RRM1: variants seen among roughly 807,000 people sequenced by gnomAD.
RRM1 encodes the protein ribonucleoside-diphosphate reductase large subunit.
A neutral mutation model predicts 101.5 loss-of-function variants in RRM1; 19 were observed. The ratio of observed to expected loss-of-function variants is 0.19; its 90% CI spans 0.13 to 0.27. The LOEUF is 0.27. Among genes scored for constraint, RRM1 ranks in the 10% least tolerant of loss-of-function variants. The pLI, the probability that RRM1 is intolerant of heterozygous loss-of-function variation, is 1.00. For synonymous variants in RRM1, 298 were observed against 323.4 expected (o/e 0.92, Z 0.84); for missense variants, 500 against 962.9 (o/e 0.52, Z 6.36).
At chr11:4,113,639 A>G (rs1417080852) in intron 7 of RRM1, among the ~76,000 whole-genome samples, 2 of 152,228 alleles carry the variant, frequency 1.3e-5, no homozygotes, top group Admixed American at 6.6e-5. Flanking sequence ...TCCTTGTGCA[A>G]ACATTATACA....
At chr11:4,112,211 G>A in intron 7 of RRM1, 149 bp downstream of exon 7, 6 of 601,582 alleles carry the variant, frequency 1.0e-5, no homozygotes, top group South Asian at 2.8e-5. Context: ...ACTGTAATGT[G>A]GTAAATGAAT....
intron 15 of RRM1, among the ~76,000 whole-genome samples, chr11:4,131,211 A>T (rs1416822967): frequency 6.6e-6 from 1 of 152,184 alleles, no homozygotes; most frequent in Non-Finnish European, 1.5e-5. Flanking sequence ...GTAAAGGGAG[A>T]AAAGCCCCTT....
chr11:4,109,665 TA>T lies in RRM1; in HGVS notation c.410del (p.Tyr137LeufsTer15). ...NKDRLNSAII[Y>X]DRDFSYNYFG... ...TCAGCGCCTGAATTCTGCTATTATC[TA>T]TGACCGAGATTTCTCTTACAATTAC... On this transcript the variant is annotated frameshift_variant, in exon 5 of 19. Transcript: ENST00000300738. LOFTEE classifies it high-confidence loss of function. The T allele has an allele frequency of 6.2e-7, 1 of 1,610,028 alleles. No homozygotes were observed. The highest frequency in any genetic ancestry group is 8.5e-7 in the Non-Finnish European group (1 of 1,178,080).
At chr11:4,101,125 G>T (rs577399487) in intron 1 of RRM1, among the ~76,000 whole-genome samples, 1 of 152,156 alleles carries the variant, frequency 6.6e-6, no homozygotes, top group East Asian at 1.9e-4. Flanking sequence ...GTCCTATTTG[G>T]GGCATTGCAA....
chr11:4,117,298 A>G (rs915744064), intron 7 of RRM1, among the ~76,000 whole-genome samples: 8 of 152,210 alleles, frequency 5.3e-5, no homozygotes, highest in Non-Finnish European at 8.8e-5. Context: ...TTCATATTCT[A>G]CAGAAATGCT....
At chr11:4,137,649 C>T (rs868228331) in intron 18 of RRM1, among the ~76,000 whole-genome samples, 1 of 12,358 alleles carries the variant, frequency 8.1e-5, no homozygotes, top group East Asian at 1.4e-3. Context: ...CCCTCCCGGA[C>T]GGGGCGGCTG....
At chr11:4,126,594 C>T in intron 12 of RRM1, 90 bp from the exon 13 acceptor site, 1 of 1,170,486 alleles carries the variant, frequency 8.5e-7, no homozygotes. Context: ...ATTTTAATGT[C>T]TGAGTATTAG....
chr11:4,121,164 C>T (rs777238158), intron 9 of RRM1, among the ~76,000 whole-genome samples: 7 of 152,192 alleles, frequency 4.6e-5, no homozygotes, highest in East Asian at 3.8e-4. Flanking sequence ...GCACACTAAT[C>T]GCTTGTTGGT....
At chr11:4,095,145 T>G (rs1590706873) in intron 1 of RRM1, 114 bp downstream of exon 1, 2 of 1,310,000 alleles carry the variant, frequency 1.5e-6, no homozygotes, top group East Asian at 2.5e-5. Flanking sequence ...TTTCCCGCAT[T>G]TCCCGCCGCG....
chr11:4,118,445 G>A lies in RRM1; in HGVS notation c.776G>A (p.Gly259Asp). Residue 259 changes from glycine (G) to aspartate (D), a missense_variant, in exon 8 of 19, where the codon GGC becomes GAC. Gly to Asp is a moderately conservative substitution (Grantham distance 94, BLOSUM62 -1). Coordinates refer to ENST00000300738, the MANE Select transcript of RRM1 (RefSeq NM_001033.5). ...GVAVSCIRAT[G>D]SYIAGTNGNS... ...GCTGTGAGTTGTATTCGGGCTACTG[G>A]CAGCTACATTGCTGGGGTAGGTTTC... 1 of 1,614,022 alleles carries A rather than the reference G, an allele frequency of 6.2e-7. No individual in the cohort carries two copies. Among genetic ancestry groups the A allele is most frequent in the Non-Finnish European group, 8.5e-7 (1 of 1,179,948 alleles).
chr11:4,119,943 T>C lies in RRM1; in HGVS notation c.876+15T>C. On this transcript the variant is annotated intron_variant, in intron 9 of 18. Coordinates refer to ENST00000300738, the MANE Select transcript of RRM1 (RefSeq NM_001033.5). ...GTGGGAACAAGGTATGCTCCATGAA[T>C]TGAAAGTACTGGAAATCAGAACTAA... 6.9e-7 allele frequency: 1 copy of C among 1,451,696 alleles called. No individual in the cohort carries two copies. Among genetic ancestry groups the C allele is most frequent in the Non-Finnish European group, 9.7e-7 (1 of 1,033,438 alleles). 89.9% of individuals were successfully genotyped at this position (1,451,696 alleles called of 1,614,324 possible). A position where few individuals can be genotyped will look rare whatever the true frequency, so the allele number is the denominator to read the frequency against.
At chr11:4,116,300 T>C (rs530969658) in intron 7 of RRM1, 1 of 152,200 alleles carries the variant, frequency 6.6e-6, no homozygotes, top group African/African-American at 2.4e-5. Flanking sequence ...TTCACCGGAG[T>C]CCAATCACTG....
Position 4,121,773 on chromosome 11 carries a change from A to G in RRM1, c.1038+8A>G. Reference sequence around the variant, plus strand: ...CGAGTGGAGACTAATCAGGTGAGAGATAGGTACTTGTTGGTAATAGCAACT... The same window carrying G: ...CGAGTGGAGACTAATCAGGTGAGAGGTAGGTACTTGTTGGTAATAGCAACT... On this transcript the variant is annotated splice_region_variant and intron_variant, in intron 10 of 18. Coordinates refer to ENST00000300738, the MANE Select transcript of RRM1 (RefSeq NM_001033.5). The G allele has an allele frequency of 6.3e-7, 1 of 1,589,812 alleles. No homozygotes were observed. The highest frequency in any genetic ancestry group is 8.5e-7 in the Non-Finnish European group (1 of 1,170,842).
At position 4,126,848 on chromosome 11, in the gene RRM1, C is replaced by A. The variant is rs780249817; in HGVS notation, c.1470+15C>A. On this transcript the variant is annotated intron_variant, in intron 13 of 18. Transcript: ENST00000300738. Reference sequence around the variant, plus strand: ...CTGTACCAGAGGTATGAATAGATTTCTCTGCTTATTGGTAATTATTGAAAT... The same window carrying A: ...CTGTACCAGAGGTATGAATAGATTTATCTGCTTATTGGTAATTATTGAAAT... The A allele has an allele frequency of 1.9e-6, 3 of 1,586,790 alleles. No individual in the cohort carries two copies. The South Asian group carries it at 3.4e-5, about 18-fold the overall frequency.
chr11:4,127,054 G>A lies in RRM1; in HGVS notation c.1490G>A (p.Arg497His), dbSNP rs72555793. 590 of 1,610,124 alleles carry A rather than the reference G, an allele frequency of 3.7e-4. 2 individuals are homozygous for A. In the African/African-American group the frequency reaches 6.7e-3, roughly 18 times the overall value. Residue 497 changes from arginine (R) to histidine (H), a missense_variant, in exon 14 of 19, where the codon CGC (arginine) becomes CAC (histidine). Physicochemically the swap from Arg to His is conservative, Grantham distance 29. Transcript: ENST00000300738. ...ACAAAGGCATGCCTATCAAATAAAC[G>A]CCATCGCCCCATTGGAATTGGGGTA... Reference protein sequence around the residue: ...PVPEACLSNKRHRPIGIGVQG... With the variant: ...PVPEACLSNKHHRPIGIGVQG...
rs5789321 is a variant in RRM1, at chr11:4,129,008, G to GTTT, written c.1693-54_1693-52dup. 1,262 of 668,534 alleles carry GTTT rather than the reference G, an allele frequency of 1.9e-3. 6 individuals are homozygous for GTTT. The highest frequency in any genetic ancestry group is 7.2e-3 in the South Asian group (277 of 38,658). 41.4% of individuals were successfully genotyped at this position (668,534 alleles called of 1,614,324 possible). On this transcript the variant is annotated intron_variant, in intron 14 of 18. Coordinates refer to ENST00000300738, the MANE Select transcript of RRM1 (RefSeq NM_001033.5). ...GGACATGGCAGCTAGTCATTTGTGG[G>GTTT]TTTTTTTTTTTTTTGGTCATAGTTT...
rs530190266 is a variant in RRM1 at position 4,107,091 on chromosome 11, AC to A, written c.287-342del. Among the ~76,000 whole-genome samples, 11 of 152,102 alleles carry A rather than the reference AC, an allele frequency of 7.2e-5. No individual in the cohort carries two copies. In the South Asian group the frequency reaches 2.1e-3, roughly 29 times the overall value. ...TGTATTTTTAGTAGAGACGGGTTTC[AC>A]CGTGTTAGCCAGGATGGTCTCAATC... is the stretch of plus-strand genomic sequence containing the variant. On this transcript the variant is annotated intron_variant, in intron 3 of 18. Coordinates refer to ENST00000300738, the MANE Select transcript of RRM1 (RefSeq NM_001033.5).
At chr11:4,116,045 G>A (rs950969893) in intron 7 of RRM1, 1 of 152,168 alleles carries the variant, frequency 6.6e-6, no homozygotes, top group Non-Finnish European at 1.5e-5. Flanking sequence ...TTGAGCTCTC[G>A]GGCGAGGTTC....
At chr11:4,104,495 C>G (rs1046946930) in intron 2 of RRM1, among the ~76,000 whole-genome samples, 2 of 151,934 alleles carry the variant, frequency 1.3e-5, no homozygotes, top group Non-Finnish European at 2.9e-5. Flanking sequence ...ATGCTAATAC[C>G]CTGTGCATTA....
Sources: gnomAD v4.1 joint callset for allele counts (sites outside exome capture counted in the v4.1 genomes callset) on GRCh38, gnomAD v4.1.1 for gene constraint, MANE v1.5 for transcripts, NCBI Gene and HGNC (gene_info 2026-07-23, HGNC 2026-07-21) for gene names.